The following PP2D1 variants were observed in gnomAD, a reference collection of about 807,000 sequenced individuals.
The protein encoded by PP2D1 is protein phosphatase 2C-like domain-containing protein 1.
In PP2D1, 25 loss-of-function variants were observed where a neutral mutation model predicts 30.2. The ratio of observed to expected loss-of-function variants is 0.83; its 90% confidence interval spans 0.60 to 1.16. PP2D1 has a LOEUF of 1.16. Ranked by LOEUF, PP2D1 falls within the 50% of genes most tolerant of loss-of-function variation. PP2D1 has a pLI of 0.00. For synonymous variants in PP2D1, 260 were observed against 258.9 expected, an observed-to-expected ratio of 1.00 and a Z score of -0.04; for missense variants, 760 against 742.4, an observed-to-expected ratio of 1.02 and a Z score of -0.28.
At chr3:19,987,989 C>A (rs1176249101) in intron 2 of PP2D1, among the ~76,000 whole-genome samples, 1 of 152,174 alleles carries the variant, frequency 6.6e-6, no homozygotes, top group East Asian at 1.9e-4. Flanking sequence ...TTTCTTATGT[C>A]TGTCTTTAAT....
At position 19,986,299 on chromosome 3, in the gene PP2D1, T is replaced by C. The variant is rs1430754446; in HGVS notation, c.1091-117A>G. 3 of 720,656 alleles carry C rather than the reference T, an allele frequency of 4.2e-6. No individual in the cohort carries two copies. In the East Asian group the frequency reaches 8.3e-5, roughly 20 times the overall value. The allele number at this position is 720,656 out of a possible 1,614,324, so 44.6% of individuals were successfully genotyped here. A position where few individuals can be genotyped will look rare whatever the true frequency, so the allele number is the denominator to read the frequency against. On this transcript the variant is annotated intron_variant, in intron 2 of 2. Transcript: ENST00000389050. ...TCAATGCTAAACAGAAAGCAGGCTA[T>C]GTAAAAGTACGTTTAAATATGTGTA...
intron 2 of PP2D1, among the ~76,000 whole-genome samples, chr3:19,988,203 G>A (rs893095478): frequency 6.6e-5 from 10 of 152,150 alleles, no homozygotes; most frequent in South Asian, 2.1e-4. Context: ...AGAGCTAGGC[G>A]GAACAGAGCC....
At chr3:20,007,945 C>T (rs781470160) in intron 1 of PP2D1, 39 of 223,006 alleles carry the variant, frequency 1.7e-4, no homozygotes, top group Admixed American at 4.5e-4. Context: ...CCAGATGTGG[C>T]GCTGCCAATC....
chr3:19,996,058 A>G (rs1697176134), intron 2 of PP2D1, among the ~76,000 whole-genome samples: 1 of 152,256 alleles, frequency 6.6e-6, no homozygotes, highest in Admixed American at 6.5e-5. Context: ...GACAAACTAA[A>G]CTCAAAATTA....
At chr3:19,982,763 T>TAAAA (rs62910362), downstream of PP2D1, among the ~76,000 whole-genome samples, 5 of 139,874 alleles carry the variant, frequency 3.6e-5, no homozygotes, top group Non-Finnish European at 7.9e-5. Flanking sequence ...CCTTGTCTCT[T>TAAAA]AAAAAAAAAA....
chr3:19,992,559 G>A (rs1190728736), intron 2 of PP2D1, among the ~76,000 whole-genome samples: 1 of 152,126 alleles, frequency 6.6e-6, no homozygotes, highest in Non-Finnish European at 1.5e-5. Flanking sequence ...CACATCTAGA[G>A]AAGAAAGACA....
At chr3:19,989,362 T>C (rs1697086578) in intron 2 of PP2D1, among the ~76,000 whole-genome samples, 1 of 152,162 alleles carries the variant, frequency 6.6e-6, no homozygotes, top group African/African-American at 2.4e-5. Flanking sequence ...TAGTGTCAGA[T>C]ATAGACAGAA....
downstream of PP2D1, among the ~76,000 whole-genome samples, chr3:19,981,220 C>T (rs758492040): frequency 6.6e-6 from 1 of 152,134 alleles, no homozygotes; most frequent in Non-Finnish European, 1.5e-5. Flanking sequence ...GTTTGACTTA[C>T]GATTTTATAA....
At chr3:19,996,994 A>C (rs951047236) in intron 2 of PP2D1, 2 of 151,960 alleles carry the variant, frequency 1.3e-5, no homozygotes, top group Non-Finnish European at 2.9e-5. Flanking sequence ...GATGGCCAAA[A>C]ATTTTTTTGA....
intron 1 of PP2D1, among the ~76,000 whole-genome samples, chr3:20,009,951 A>G (rs1001309721): frequency 6.6e-6 from 1 of 152,126 alleles, no homozygotes. Context: ...TCCCTCACCA[A>G]CGATTTTTTT....
intron 2 of PP2D1, among the ~76,000 whole-genome samples, chr3:19,987,655 A>G (rs1697057567): frequency 6.6e-6 from 1 of 152,158 alleles, no homozygotes; most frequent in Non-Finnish European, 1.5e-5. Context: ...TACACCTGTA[A>G]TCGCCACTCT....
downstream of PP2D1, among the ~76,000 whole-genome samples, chr3:19,983,086 C>T (rs1196897243): frequency 6.6e-6 from 1 of 152,000 alleles, no homozygotes; most frequent in Non-Finnish European, 1.5e-5. Context: ...CCTATAATCC[C>T]AACACTTTGG....
chr3:19,981,323 A>T (rs1455252966), downstream of PP2D1, among the ~76,000 whole-genome samples: 6 of 152,272 alleles, frequency 3.9e-5, no homozygotes, highest in East Asian at 9.7e-4. Flanking sequence ...AATATCATAA[A>T]TCAGGCTGGG....
At chr3:19,984,119 G>A, downstream of PP2D1, 1 of 410,218 alleles carries the variant, frequency 2.4e-6, no homozygotes, top group Admixed American at 4.0e-5. Context: ...ATGACTGTCT[G>A]GGCCCACACA....
intron 1 of PP2D1, among the ~76,000 whole-genome samples, chr3:20,009,929 C>G (rs1420488910): frequency 2.0e-5 from 3 of 152,104 alleles, no homozygotes; most frequent in Non-Finnish European, 4.4e-5. Context: ...TTTTGGGAAG[C>G]CTTCATGGCT....
chr3:19,990,364 T>G (rs1697101119), intron 2 of PP2D1, among the ~76,000 whole-genome samples: 1 of 152,228 alleles, frequency 6.6e-6, no homozygotes, highest in African/African-American at 2.4e-5. Context: ...CGGGCTGGTC[T>G]CAAACTCCTG....
Position 19,985,899 on chromosome 3 carries a change from C to T in PP2D1, c.1374G>A (p.Trp458Ter). ...QFLIVATNGL[W>*]EVLDKEEVTA... Reference sequence around the variant, plus strand: ...TAACTTCCTCTTTATCCAAAACTTCCCAAAGTCCATTAGTAGCTACAATAA... The same window carrying T: ...TAACTTCCTCTTTATCCAAAACTTCTCAAAGTCCATTAGTAGCTACAATAA... Residue 458 changes from tryptophan to a stop codon, truncating the protein, a stop_gained, in exon 3 of 3, where the codon TGG (tryptophan) becomes TGA (stop). Coordinates refer to ENST00000389050, the MANE Select transcript of PP2D1 (RefSeq NM_001252657.2). LOFTEE classifies it low-confidence loss of function (END_TRUNC). 2 of 1,536,384 alleles carry T rather than the reference C, an allele frequency of 1.3e-6. No individual in the cohort carries two copies. Among genetic ancestry groups the T allele is most frequent in the Non-Finnish European group, 1.7e-6 (2 of 1,146,956 alleles).
intron 1 of PP2D1, among the ~76,000 whole-genome samples, chr3:20,010,034 G>T (rs2125148909): frequency 6.6e-6 from 1 of 151,908 alleles, no homozygotes; most frequent in Non-Finnish European, 1.5e-5. Flanking sequence ...CTCATCACTA[G>T]CTTCGACTGT....
At chr3:19,994,271 T>C (rs79880556) in intron 2 of PP2D1, among the ~76,000 whole-genome samples, 2 of 151,862 alleles carry the variant, frequency 1.3e-5, no homozygotes, top group East Asian at 3.9e-4. Flanking sequence ...GAAAGGAAGC[T>C]ACAAAGAACT....
Sources: gnomAD v4.1 joint callset for allele counts (sites outside exome capture counted in the v4.1 genomes callset) on GRCh38, gnomAD v4.1.1 for gene constraint, MANE v1.5 for transcripts, NCBI Gene and HGNC (gene_info 2026-07-23, HGNC 2026-07-21) for gene names.